ARSF: variants seen among roughly 807,000 people sequenced by gnomAD.
The protein encoded by ARSF is arylsulfatase F.
Under a neutral mutation model 35.4 loss-of-function variants are expected in ARSF, and 33 were observed. That is an observed-to-expected ratio of 0.93 (90% CI 0.71 to 1.25). The LOEUF (loss-of-function observed/expected upper bound fraction) is 1.25. ARSF is among the 50% of genes most tolerant of loss of function. The pLI, the probability that ARSF is intolerant of heterozygous loss-of-function variation, is 0.00. For synonymous variants in ARSF, 222 were observed against 193.1 expected (o/e 1.15, Z -1.24); for missense variants, 501 against 480.2 (o/e 1.04, Z -0.40).
chrX:3,063,494 A>G (rs2090050763), intron 1 of ARSF, among the ~76,000 whole-genome samples: 1 of 111,747 alleles, frequency 8.9e-6, no homozygotes, highest in Non-Finnish European at 1.9e-5. Context: ...GTTTTCAATT[A>G]GGAAAAGAGG....
At chrX:3,068,020 CTTTTT>C (rs756715933) in intron 1 of ARSF, 48 bp from the exon 2 acceptor site, 64 of 753,958 alleles carry the variant, frequency 8.5e-5, no homozygotes, top group Admixed American at 1.6e-4. Context: ...ATGAATGATA[CTTTTT>C]TTTTTTTTTT....
chrX:3,062,370 C>A (rs2090045622), intron 1 of ARSF, among the ~76,000 whole-genome samples: 1 of 111,669 alleles, frequency 9.0e-6, no homozygotes, highest in Non-Finnish European at 1.9e-5. Context: ...AAAATCAACA[C>A]CCTAACATCA....
At chrX:3,093,144 A>C (rs191086598) in intron 7 of ARSF, among the ~76,000 whole-genome samples, 2 of 111,901 alleles carry the variant, frequency 1.8e-5, no homozygotes, top group African/African-American at 3.3e-5. Flanking sequence ...CAGCCTGGGC[A>C]ACGGAGCGAG....
rs145987733 is a variant in ARSF, at chrX:3,047,819, C to T, written c.-29+6156C>T. Reference sequence around the variant, plus strand: ...ATGCCCATTACCCAATGTATTAGTCCGTTTTCATGCTGCTGATAAAGACAT... The same window carrying T: ...ATGCCCATTACCCAATGTATTAGTCTGTTTTCATGCTGCTGATAAAGACAT... On this transcript the variant is annotated intron_variant, in intron 1 of 10. Transcript: ENST00000381127. Among the ~76,000 whole-genome samples, 346 of 110,490 alleles carry T rather than the reference C, an allele frequency of 3.1e-3. 2 individuals are homozygous for T. Among genetic ancestry groups the T allele is most frequent in the Non-Finnish European group, 5.3e-3 (278 of 52,914 alleles).
chrX:3,103,347 T>C (rs2090391520), intron 8 of ARSF, among the ~76,000 whole-genome samples: 1 of 111,232 alleles, frequency 9.0e-6, no homozygotes, highest in African/African-American at 3.3e-5. Context: ...AAATAAAATG[T>C]TCAGGCACGC....
intron 1 of ARSF, among the ~76,000 whole-genome samples, chrX:3,058,040 G>T (rs1000622668): frequency 4.5e-5 from 5 of 111,713 alleles, no homozygotes; most frequent in African/African-American, 1.6e-4. Flanking sequence ...ACTTGGTTTG[G>T]TCAAAGGTTT....
At chrX:3,101,373 G>C in intron 8 of ARSF, 152 bp downstream of exon 8, 1 of 675,796 alleles carries the variant, frequency 1.5e-6, no homozygotes, top group Non-Finnish European at 2.1e-6. Context: ...TTGGACCAAG[G>C]TCAAGAAAAT....
Position 3,045,361 on chromosome X carries a change from G to A in ARSF, c.-29+3698G>A, listed in dbSNP as rs1234168891. ...GAGAAGAGCTCTCTGCAGCAGAGCG[G>A]GGTCCTGGAGAAGTGGGTTGCTGCT... is the stretch of plus-strand genomic sequence containing the variant. On this transcript the variant is annotated intron_variant, in intron 1 of 10. Transcript: ENST00000381127. Among the ~76,000 whole-genome samples, 3 of 111,140 alleles carry A rather than the reference G, an allele frequency of 2.7e-5. No individual in the cohort carries two copies. The East Asian group carries it at 8.5e-4, about 32-fold the overall frequency.
chrX:3,079,201 T>C (rs1211279000), intron 4 of ARSF, among the ~76,000 whole-genome samples: 1 of 111,757 alleles, frequency 8.9e-6, no homozygotes, highest in Non-Finnish European at 1.9e-5. Flanking sequence ...TTCTATTGTT[T>C]AGTGATTGTG....
upstream of ARSF, among the ~76,000 whole-genome samples, chrX:3,040,504 T>C (rs2089951029): frequency 9.0e-6 from 1 of 111,414 alleles, no homozygotes; most frequent in East Asian, 2.8e-4. Flanking sequence ...ACTGCCCTTT[T>C]CCCCCCAAAT....
chrX:3,041,275 GTTCTT>G (rs202238821), upstream of ARSF, among the ~76,000 whole-genome samples: 1,360 of 98,345 alleles, frequency 0.014, 27 homozygotes, highest in African/African-American at 0.045. Flanking sequence ...TTTACTTTTT[GTTCTT>G]TTCTTTTCTT....
intron 9 of ARSF, among the ~76,000 whole-genome samples, chrX:3,104,789 G>A (rs1431720682): frequency 8.9e-6 from 1 of 111,943 alleles, no homozygotes; most frequent in Non-Finnish European, 1.9e-5. Flanking sequence ...TTTCAATTGA[G>A]AGAAAGATGG....
chrX:3,049,082 G>T (rs1282217255), intron 1 of ARSF, among the ~76,000 whole-genome samples: 2 of 112,532 alleles, frequency 1.8e-5, no homozygotes, highest in East Asian at 5.6e-4. Context: ...AAATATGAGT[G>T]ACCATGGCCG....
intron 1 of ARSF, among the ~76,000 whole-genome samples, chrX:3,052,225 A>C (rs1163420045): frequency 8.9e-6 from 1 of 111,797 alleles, no homozygotes; most frequent in Non-Finnish European, 1.9e-5. Context: ...TGTATAACCT[A>C]TCTCCCATGA....
chrX:3,090,833 A>C (rs1200218720), intron 7 of ARSF, among the ~76,000 whole-genome samples: 1 of 110,813 alleles, frequency 9.0e-6, no homozygotes, highest in African/African-American at 3.3e-5. Flanking sequence ...TCTTTATCCA[A>C]TCCACCATTG....
At position 3,084,362 on chromosome X, in the gene ARSF, G is replaced by A. The variant is rs771960712; in HGVS notation, c.526G>A (p.Asp176Asn). The A allele has an allele frequency of 8.3e-7, 1 of 1,211,474 alleles. No homozygotes were observed. Among genetic ancestry groups the A allele is most frequent in the East Asian group, 3.0e-5 (1 of 33,836 alleles). ...PFTLVDSCWP[D>N]PSRNTELAFE... ...CACTCTCGTTGACAGCTGCTGGCCG[G>A]ACCCCTCTCGTAACACGGAATTAGC... Residue 176 changes from aspartate (D) to asparagine (N), a missense_variant, in exon 6 of 11, where the codon GAC (aspartate) becomes AAC (asparagine). Transcript: ENST00000381127.
chrX:3,092,911 GCCTGTAATCC>G (rs957101861), intron 7 of ARSF, among the ~76,000 whole-genome samples: 1 of 112,127 alleles, frequency 8.9e-6, no homozygotes. Flanking sequence ...GGTGGCTCAC[GCCTGTAATCC>G]CAGCACTTTG....
At position 3,045,869 on chromosome X, in the gene ARSF, TTTTTGTTTG is replaced by T. The variant is rs201749646; in HGVS notation, c.-29+4215_-29+4223del. The stretch of plus-strand genomic sequence containing the variant: ...CTGGCTAGTGCCATGTCGCCTGTTT[TTTTTGTTTG>T]TTTTGTTTTGTTTTGTTTTTTGAGA... On this transcript the variant is annotated intron_variant, in intron 1 of 10. Transcript: ENST00000381127. Among the ~76,000 whole-genome samples the T allele has an allele frequency of 6.6e-3, 721 of 109,391 alleles. 6 individuals carry two copies. Among genetic ancestry groups the T allele is most frequent in the African/African-American group, 0.022 (670 of 29,983 alleles). 95.0% of individuals were successfully genotyped at this position (109,391 alleles called of 115,157 possible). A position where few individuals can be genotyped will look rare whatever the true frequency, so the allele number is the denominator to read the frequency against.
At chrX:3,046,268 C>A (rs940297111) in intron 1 of ARSF, among the ~76,000 whole-genome samples, 17 of 111,847 alleles carry the variant, frequency 1.5e-4, no homozygotes, top group Non-Finnish European at 2.6e-4. Flanking sequence ...TCCAGGTAGC[C>A]CTTTCCCATT....
Sources: gnomAD v4.1 joint callset for allele counts (sites outside exome capture counted in the v4.1 genomes callset) on GRCh38, gnomAD v4.1.1 for gene constraint, MANE v1.5 for transcripts, NCBI Gene and HGNC (gene_info 2026-07-23, HGNC 2026-07-21) for gene names.